CFAP44: variants seen among roughly 807,000 people sequenced by gnomAD.
CFAP44 encodes the protein cilia and flagella associated protein 44, also known as cilia- and flagella-associated protein 44.
A neutral mutation model predicts 216.2 loss-of-function variants in CFAP44; 134 were observed. That is an observed-to-expected ratio of 0.62 (90% confidence interval 0.54 to 0.72). CFAP44 has a LOEUF of 0.72. Ranked by LOEUF, CFAP44 falls within the 30% of genes least tolerant of loss-of-function variation. The pLI, the probability that CFAP44 is intolerant of heterozygous loss-of-function variation, is 0.00. For synonymous variants in CFAP44, 700 were observed against 727.6 expected (o/e 0.96, Z 0.61); for missense variants, 2,035 against 2,182.1 (o/e 0.93, Z 1.34).
chr3:113,387,862 C>G (rs1013838749), intron 15 of CFAP44, among the ~76,000 whole-genome samples: 27 of 152,104 alleles, frequency 1.8e-4, no homozygotes, highest in Non-Finnish European at 2.8e-4. Flanking sequence ...CACAAGCTGA[C>G]TGAAGAGCCC....
chr3:113,308,888 G>C (rs1465111428), intron 28 of CFAP44, among the ~76,000 whole-genome samples: 1 of 152,174 alleles, frequency 6.6e-6, no homozygotes, highest in East Asian at 1.9e-4. Flanking sequence ...TTACAGGCTT[G>C]AGCCACTGTG....
chr3:113,325,106 A>G (rs1312427424), intron 28 of CFAP44, among the ~76,000 whole-genome samples: 2 of 152,036 alleles, frequency 1.3e-5, no homozygotes, highest in Non-Finnish European at 2.9e-5. Flanking sequence ...GATTGAGATC[A>G]TCCTGGCTAA....
chr3:113,324,557 C>T (rs780785398), intron 28 of CFAP44, among the ~76,000 whole-genome samples: 18 of 152,012 alleles, frequency 1.2e-4, no homozygotes, highest in Admixed American at 1.1e-3. Flanking sequence ...CAAATTTTCA[C>T]CCCCATTCAC....
intron 29 of CFAP44, among the ~76,000 whole-genome samples, chr3:113,307,317 C>A (rs1315269517): frequency 6.6e-6 from 1 of 152,184 alleles, no homozygotes; most frequent in Non-Finnish European, 1.5e-5. Flanking sequence ...TAACTTATAA[C>A]TCTGAATCAA....
chr3:113,382,755 G>A (rs1330600477), intron 15 of CFAP44, among the ~76,000 whole-genome samples: 3 of 152,222 alleles, frequency 2.0e-5, no homozygotes, highest in Non-Finnish European at 2.9e-5. Flanking sequence ...CGAGGAGCAG[G>A]TGAATACAGA....
intron 32 of CFAP44, among the ~76,000 whole-genome samples, chr3:113,299,748 G>C (rs1949916390): frequency 6.6e-6 from 1 of 152,176 alleles, no homozygotes; most frequent in Non-Finnish European, 1.5e-5. Flanking sequence ...ATAAGATCCA[G>C]CTAGGCACAG....
intron 19 of CFAP44, among the ~76,000 whole-genome samples, chr3:113,364,431 CTTTA>C (rs1950569362): frequency 6.6e-6 from 1 of 152,012 alleles, no homozygotes; most frequent in African/African-American, 2.4e-5. Flanking sequence ...AGGTTTATGA[CTTTA>C]ATAAAAGCAA....
At chr3:113,307,346 T>C (rs1260929446) in intron 29 of CFAP44, among the ~76,000 whole-genome samples, 1 of 152,124 alleles carries the variant, frequency 6.6e-6, no homozygotes, top group East Asian at 1.9e-4. Flanking sequence ...TGTCTGCATA[T>C]TATTTGTCAC....
At chr3:113,354,369 C>A (rs1950475283) in intron 22 of CFAP44, among the ~76,000 whole-genome samples, 1 of 152,296 alleles carries the variant, frequency 6.6e-6, no homozygotes, top group South Asian at 2.1e-4. Flanking sequence ...CCTGCTTTCT[C>A]AATGGGGAGG....
At chr3:113,333,618 A>C in intron 24 of CFAP44, 35 bp from the exon 25 acceptor site, 1 of 1,464,832 alleles carries the variant, frequency 6.8e-7, no homozygotes. Context: ...CCACACACAA[A>C]TATGACAATA....
chr3:113,416,167 T>C (rs1934639976), intron 6 of CFAP44, among the ~76,000 whole-genome samples: 2 of 147,482 alleles, frequency 1.4e-5, no homozygotes, highest in Non-Finnish European at 3.0e-5. Flanking sequence ...AGACTAAGAT[T>C]GCAACCCTTG....
chr3:113,367,924 C>T (rs13326562), intron 18 of CFAP44, among the ~76,000 whole-genome samples: 5,616 of 152,116 alleles, frequency 0.037, 162 homozygotes, highest in African/African-American at 0.071. Flanking sequence ...AACCACAGGA[C>T]GAGAACTTCG....
chr3:113,313,832 T>G (rs1314688374), intron 28 of CFAP44, among the ~76,000 whole-genome samples: 3 of 152,206 alleles, frequency 2.0e-5, no homozygotes, highest in Non-Finnish European at 4.4e-5. Context: ...TGTGGAAGTG[T>G]AAGTCCAATT....
chr3:113,391,473 A>G (rs1933837987), intron 15 of CFAP44, among the ~76,000 whole-genome samples: 1 of 152,182 alleles, frequency 6.6e-6, no homozygotes, highest in Admixed American at 6.5e-5. Context: ...ACAGGCAACC[A>G]AAGCGAAAAT....
chr3:113,353,330 A>G (rs1422501039), intron 22 of CFAP44, among the ~76,000 whole-genome samples: 1 of 151,066 alleles, frequency 6.6e-6, no homozygotes, highest in Non-Finnish European at 1.5e-5. Context: ...TGACTTTCCT[A>G]TCTTCTTGAT....
intron 17 of CFAP44, among the ~76,000 whole-genome samples, chr3:113,378,830 T>C (rs1933423472): frequency 6.6e-6 from 1 of 152,194 alleles, no homozygotes; most frequent in Non-Finnish European, 1.5e-5. Flanking sequence ...AAAACACTTA[T>C]CTTCCTAGAC....
At chr3:113,335,697 A>G (rs1350226857) in intron 24 of CFAP44, among the ~76,000 whole-genome samples, 1 of 152,206 alleles carries the variant, frequency 6.6e-6, no homozygotes, top group Non-Finnish European at 1.5e-5. Flanking sequence ...TCAAAGAGAG[A>G]AAGGCATAGA....
chr3:113,376,773 C>A (rs1336835680), intron 17 of CFAP44, among the ~76,000 whole-genome samples: 1 of 151,970 alleles, frequency 6.6e-6, no homozygotes, highest in African/African-American at 2.4e-5. Context: ...TTTTATGTAA[C>A]AGAGCAAGGG....
At chr3:113,328,845 C>G (rs1010809453) in intron 26 of CFAP44, among the ~76,000 whole-genome samples, 1 of 151,870 alleles carries the variant, frequency 6.6e-6, no homozygotes, top group African/African-American at 2.4e-5. Flanking sequence ...ATTTGGAGGA[C>G]CACATAGGTC....
Sources: allele counts gnomAD v4.1 joint callset (sites outside exome capture counted in the v4.1 genomes callset), GRCh38; gene constraint gnomAD v4.1.1; transcripts MANE v1.5; gene names NCBI Gene and HGNC (gene_info 2026-07-23, HGNC 2026-07-21).